Variants in SLC9A9 observed in about 807,000 individuals in gnomAD.
SLC9A9 encodes sodium/hydrogen exchanger 9.
A neutral mutation model predicts 77.8 loss-of-function variants in SLC9A9; 62 were observed. That is an observed-to-expected ratio of 0.80 (90% CI 0.65 to 0.98). The LOEUF is 0.98. Among genes scored for constraint, SLC9A9 ranks in the 50% least tolerant of loss-of-function variants. SLC9A9 has a pLI of 0.00. For synonymous variants in SLC9A9, 320 were observed against 283.5 expected (o/e 1.13, Z -1.29); for missense variants, 775 against 774.9 (o/e 1.00, Z 0.00).
At chr3:143,466,071 T>G (rs995640617) in intron 12 of SLC9A9, among the ~76,000 whole-genome samples, 5 of 152,220 alleles carry the variant, frequency 3.3e-5, no homozygotes, top group African/African-American at 7.2e-5. Flanking sequence ...GAATTATGTA[T>G]TCAATCCTAC....
chr3:143,463,598 G>A (rs2035234345), intron 12 of SLC9A9, among the ~76,000 whole-genome samples: 1 of 152,150 alleles, frequency 6.6e-6, no homozygotes, highest in Admixed American at 6.5e-5. Flanking sequence ...CCACAGAAGG[G>A]AGGAGAACCG....
intron 5 of SLC9A9, among the ~76,000 whole-genome samples, chr3:143,692,982 A>G (rs1933520285): frequency 6.6e-6 from 1 of 152,168 alleles, no homozygotes; most frequent in Non-Finnish European, 1.5e-5. Context: ...GATCTCTCCC[A>G]CTACTGAAAT....
chr3:143,472,272 A>G (rs2035391615), intron 11 of SLC9A9, among the ~76,000 whole-genome samples: 1 of 152,196 alleles, frequency 6.6e-6, no homozygotes, highest in South Asian at 2.1e-4. Context: ...AGAGATGCAA[A>G]AGAGGATACT....
intron 14 of SLC9A9, among the ~76,000 whole-genome samples, chr3:143,348,291 G>C (rs1307832805): frequency 6.6e-6 from 1 of 152,276 alleles, no homozygotes; most frequent in Non-Finnish European, 1.5e-5. Context: ...CACTGCGCCC[G>C]GCCCGAAGTT....
chr3:143,595,318 T>G (rs1576598965), intron 6 of SLC9A9, among the ~76,000 whole-genome samples: 1 of 152,248 alleles, frequency 6.6e-6, no homozygotes, highest in East Asian at 1.9e-4. Context: ...TATACTAAGA[T>G]GTATTTCACT....
At chr3:143,467,455 C>T (rs976252277) in intron 11 of SLC9A9, among the ~76,000 whole-genome samples, 2 of 152,060 alleles carry the variant, frequency 1.3e-5, no homozygotes, top group South Asian at 2.1e-4. Context: ...AGATAAAGAA[C>T]ATTTCTGGCT....
intron 4 of SLC9A9, among the ~76,000 whole-genome samples, chr3:143,778,348 A>G (rs1176980090): frequency 6.6e-6 from 1 of 152,256 alleles, no homozygotes; most frequent in Non-Finnish European, 1.5e-5. Context: ...ACACTACTCA[A>G]AATATGCTTC....
chr3:143,808,246 A>C (rs2008775795), intron 2 of SLC9A9, among the ~76,000 whole-genome samples: 1 of 152,246 alleles, frequency 6.6e-6, no homozygotes. Flanking sequence ...TACATTTATG[A>C]ATCAGACATG....
intron 12 of SLC9A9, among the ~76,000 whole-genome samples, chr3:143,398,924 AAGACCATATTATATTAT>A (rs1281240943): frequency 3.9e-5 from 6 of 152,252 alleles, no homozygotes; most frequent in East Asian, 1.9e-4. Flanking sequence ...AACACTCTGT[AAGACCATATTATATTAT>A]AGACCATATT....
chr3:143,790,085 A>C (rs768056433), intron 4 of SLC9A9, among the ~76,000 whole-genome samples: 2 of 152,068 alleles, frequency 1.3e-5, no homozygotes, highest in African/African-American at 4.8e-5. Context: ...TGTTCTTATG[A>C]TAGTGAGTGA....
In SLC9A9 at chr3:143,514,989, C is replaced by T. The variant is rs113228776; in HGVS notation, c.1090-19541G>A. The stretch of plus-strand genomic sequence containing the variant: ...CCTGTCCTGCCTTTTGACATGCCTT[C>T]CTCACTAAGCTTAATCATTTCTAGC... On this transcript the variant is annotated intron_variant, in intron 9 of 15. Coordinates refer to ENST00000316549, the MANE Select transcript of SLC9A9 (RefSeq NM_173653.4). Among the ~76,000 whole-genome samples the T allele has an allele frequency of 2.9e-3, 438 of 152,276 alleles. 3 individuals are homozygous for T. Among genetic ancestry groups the T allele is most frequent in the African/African-American group, 9.6e-3 (401 of 41,556 alleles).
At chr3:143,793,619 T>C (rs1379245730) in intron 4 of SLC9A9, among the ~76,000 whole-genome samples, 7 of 152,182 alleles carry the variant, frequency 4.6e-5, no homozygotes. Context: ...CAAGAGAAAT[T>C]GCTAAAGGAA....
intron 14 of SLC9A9, among the ~76,000 whole-genome samples, chr3:143,305,278 C>T (rs879566213): frequency 6.6e-6 from 1 of 152,160 alleles, no homozygotes; most frequent in Non-Finnish European, 1.5e-5. Flanking sequence ...CTCACTGAAT[C>T]GCAGTCACTT....
At chr3:143,393,953 T>C (rs1256880550) in intron 12 of SLC9A9, among the ~76,000 whole-genome samples, 1 of 151,948 alleles carries the variant, frequency 6.6e-6, no homozygotes, top group Non-Finnish European at 1.5e-5. Flanking sequence ...ATTGAGGCAA[T>C]AATTAACAGC....
At position 143,505,202 on chromosome 3, in the gene SLC9A9, C is replaced by T. The variant is rs115263355; in HGVS notation, c.1090-9754G>A. ...ATCACCACTCACCCATCCAAGCCAA[C>T]CCCTCCTACACTCATTCTCTCTCCC... On this transcript the variant is annotated intron_variant, in intron 9 of 15. Transcript: ENST00000316549. Among the ~76,000 whole-genome samples the T allele has an allele frequency of 8.1e-3, 1,238 of 152,182 alleles. 10 individuals carry two copies. Among genetic ancestry groups the T allele is most frequent in the African/African-American group, 0.028 (1,149 of 41,514 alleles).
intron 12 of SLC9A9, among the ~76,000 whole-genome samples, chr3:143,394,829 G>A (rs532478170): frequency 4.6e-5 from 7 of 152,268 alleles, no homozygotes; most frequent in Non-Finnish European, 7.4e-5. Flanking sequence ...GCTAAATCAT[G>A]AGTGAAATCC....
chr3:143,761,287 G>A (rs149418873), intron 4 of SLC9A9, among the ~76,000 whole-genome samples: 2,617 of 152,194 alleles, frequency 0.017, 74 homozygotes, highest in African/African-American at 0.06. Context: ...CAGAGGCAAG[G>A]ACTTCATGTC....
chr3:143,606,436 C>CTCTATA (rs1419410834), intron 6 of SLC9A9, among the ~76,000 whole-genome samples: 918 of 54,166 alleles, frequency 0.017, 13 homozygotes, highest in Middle Eastern at 0.026. Flanking sequence ...CTCTCTCTCT[C>CTCTATA]TATATATATA....
At chr3:143,661,387 C>T (rs1033910596) in intron 5 of SLC9A9, among the ~76,000 whole-genome samples, 11 of 152,156 alleles carry the variant, frequency 7.2e-5, no homozygotes, top group African/African-American at 2.7e-4. Context: ...GCCACGGATG[C>T]TGTCTGTGAG....
Sources: gnomAD v4.1 joint callset for allele counts (sites outside exome capture counted in the v4.1 genomes callset) on GRCh38, gnomAD v4.1.1 for gene constraint, MANE v1.5 for transcripts, NCBI Gene and HGNC (gene_info 2026-07-23, HGNC 2026-07-21) for gene names.